DPYD: variants seen among roughly 807,000 people sequenced by gnomAD.
DPYD encodes the protein dihydropyrimidine dehydrogenase [NADP(+)].
Under a neutral mutation model 116.2 loss-of-function variants are expected in DPYD, and 109 were observed. The observed-to-expected ratio is 0.94, with a 90% CI of 0.80 to 1.10. The LOEUF (loss-of-function observed/expected upper bound fraction) is 1.10. Among genes scored for constraint, DPYD ranks in the 50% least tolerant of loss-of-function variants. The probability of loss-of-function intolerance (pLI) is 0.00; values close to 1 mark genes in which losing one functional copy is unlikely to be tolerated. For synonymous variants in DPYD, 440 were observed against 432.0 expected (o/e 1.02, Z -0.23); for missense variants, 1,302 against 1,254.5 (o/e 1.04, Z -0.57).
At chr1:97,475,588 T>C (rs1008569650) in intron 13 of DPYD, among the ~76,000 whole-genome samples, 5 of 152,192 alleles carry the variant, frequency 3.3e-5, no homozygotes, top group Admixed American at 6.5e-5. Context: ...CCAAATTTTA[T>C]TTGTAAAGAG....
chr1:97,489,452 CAT>C (rs1411361762), intron 13 of DPYD, among the ~76,000 whole-genome samples: 1 of 152,184 alleles, frequency 6.6e-6, no homozygotes, highest in African/African-American at 2.4e-5. Context: ...AATACACACA[CAT>C]ACAAAGGAAT....
intron 2 of DPYD, among the ~76,000 whole-genome samples, chr1:97,870,289 A>T (rs956298409): frequency 2.0e-5 from 3 of 151,728 alleles, no homozygotes; most frequent in Admixed American, 1.3e-4. Flanking sequence ...GGTATAACAC[A>T]TTTTTTTTGT....
intron 3 of DPYD, among the ~76,000 whole-genome samples, chr1:97,744,885 A>G (rs1345351131): frequency 6.6e-6 from 1 of 152,038 alleles, no homozygotes; most frequent in Non-Finnish European, 1.5e-5. Context: ...AGTGTCATAC[A>G]TGTATGAGTT....
chr1:97,722,534 A>C (rs1662979726), intron 4 of DPYD, among the ~76,000 whole-genome samples: 1 of 151,562 alleles, frequency 6.6e-6, no homozygotes, highest in South Asian at 2.1e-4. Context: ...TTTTCCATAA[A>C]TCTAAAACTG....
intron 7 of DPYD, among the ~76,000 whole-genome samples, chr1:97,687,269 C>A (rs1398829012): frequency 2.6e-5 from 4 of 151,984 alleles, no homozygotes; most frequent in Non-Finnish European, 5.9e-5. Flanking sequence ...AGACTCCATC[C>A]TCCATCTCAA....
intron 3 of DPYD, among the ~76,000 whole-genome samples, chr1:97,745,936 G>A (rs1664527403): frequency 6.6e-6 from 1 of 152,002 alleles, no homozygotes; most frequent in Non-Finnish European, 1.5e-5. Context: ...TGAGAAAAAA[G>A]CAGTTAAGAA....
intron 16 of DPYD, among the ~76,000 whole-genome samples, chr1:97,361,278 C>A (rs1158817625): frequency 6.6e-6 from 1 of 152,140 alleles, no homozygotes; most frequent in Non-Finnish European, 1.5e-5. Flanking sequence ...TCTGAATAGA[C>A]CAATAACAGG....
chr1:97,364,937 A>C (rs1355447206), intron 16 of DPYD, among the ~76,000 whole-genome samples: 1 of 152,184 alleles, frequency 6.6e-6, no homozygotes, highest in Non-Finnish European at 1.5e-5. Context: ...CCTTAAACTG[A>C]CTGCACCATA....
intron 3 of DPYD, among the ~76,000 whole-genome samples, chr1:97,777,839 GT>G: frequency 6.6e-6 from 1 of 151,892 alleles, no homozygotes; most frequent in Non-Finnish European, 1.5e-5. Flanking sequence ...CAACCCTCAA[GT>G]TTTTCTCTTA....
intron 2 of DPYD, among the ~76,000 whole-genome samples, chr1:97,853,476 A>T (rs1670666830): frequency 6.6e-6 from 1 of 152,198 alleles, no homozygotes; most frequent in East Asian, 1.9e-4. Context: ...GATATTGCTG[A>T]GCACAACCTT....
At chr1:97,150,566 C>A (rs185800890) in intron 20 of DPYD, among the ~76,000 whole-genome samples, 2 of 152,284 alleles carry the variant, frequency 1.3e-5, no homozygotes, top group African/African-American at 4.8e-5. Flanking sequence ...GGGCACTGGG[C>A]TCTCTCTGGG....
chr1:97,335,028 C>A (rs1198877005), intron 16 of DPYD, among the ~76,000 whole-genome samples: 1 of 152,138 alleles, frequency 6.6e-6, no homozygotes, highest in African/African-American at 2.4e-5. Context: ...TAAAAAACGA[C>A]AGAATGCCTG....
chr1:97,915,953 T>C (rs1192409189), intron 1 of DPYD, among the ~76,000 whole-genome samples: 5 of 152,212 alleles, frequency 3.3e-5, no homozygotes, highest in African/African-American at 1.2e-4. Flanking sequence ...AAACTATTAC[T>C]TACATTTACG....
chr1:97,683,654 A>T (rs1048965852), intron 7 of DPYD, among the ~76,000 whole-genome samples: 5 of 152,078 alleles, frequency 3.3e-5, no homozygotes, highest in African/African-American at 1.2e-4. Flanking sequence ...AAAAGGTATA[A>T]ATAAACATCA....
At chr1:97,881,170 T>A (rs1672199954) in intron 2 of DPYD, among the ~76,000 whole-genome samples, 1 of 152,060 alleles carries the variant, frequency 6.6e-6, no homozygotes, top group African/African-American at 2.4e-5. Context: ...AAAATGTAGC[T>A]ATATTTGGAG....
intron 12 of DPYD, among the ~76,000 whole-genome samples, chr1:97,530,989 TAA>T: frequency 6.6e-6 from 1 of 151,546 alleles, no homozygotes; most frequent in Non-Finnish European, 1.5e-5. Context: ...TATTGAATTT[TAA>T]AAGTTTCTTA....
chr1:97,084,296 T>C lies in DPYD; in HGVS notation c.2767-1826A>G, dbSNP rs553457753. ...ATTAGGTTAAATCCTCTGTCTAAGATACCTTTCATTCCTAACTCCACTTTG... is the reference window on the plus strand; with the variant it reads ...ATTAGGTTAAATCCTCTGTCTAAGACACCTTTCATTCCTAACTCCACTTTG... On this transcript the variant is annotated intron_variant, in intron 21 of 22. Transcript: ENST00000370192. Among the ~76,000 whole-genome samples, 5 of 151,970 alleles carry C rather than the reference T, an allele frequency of 3.3e-5. No homozygotes were observed. In the East Asian group the frequency reaches 9.7e-4, roughly 29 times the overall value.
At chr1:97,230,121 C>T (rs1661486077) in intron 19 of DPYD, among the ~76,000 whole-genome samples, 1 of 152,138 alleles carries the variant, frequency 6.6e-6, no homozygotes, top group African/African-American at 2.4e-5. Context: ...GATTTCCTCT[C>T]TTAGCAGTCT....
rs374556719 is a variant in DPYD, at chr1:97,281,229, A to C, written c.2299+24030T>G. Among the ~76,000 whole-genome samples the C allele has an allele frequency of 1.6e-4, 25 of 152,154 alleles. No homozygotes were observed. The South Asian group carries it at 5.0e-3, about 30-fold the overall frequency. On this transcript the variant is annotated intron_variant, in intron 18 of 22. Coordinates refer to ENST00000370192, the MANE Select transcript of DPYD (RefSeq NM_000110.4). Reference sequence around the variant, plus strand: ...AAGAATGGAGAAAATGGGAAGAAAAAATGATAAACAGATAACACCAGAGAA... The same window carrying C: ...AAGAATGGAGAAAATGGGAAGAAAACATGATAAACAGATAACACCAGAGAA...
Sources: allele counts gnomAD v4.1 joint callset (sites outside exome capture counted in the v4.1 genomes callset), GRCh38; gene constraint gnomAD v4.1.1; transcripts MANE v1.5; gene names NCBI Gene and HGNC (gene_info 2026-07-23, HGNC 2026-07-21).